Variants in DNAJC1 observed in about 807,000 individuals in gnomAD.
The protein encoded by DNAJC1 is DnaJ heat shock protein family (Hsp40) member C1.
Under a neutral mutation model 76.6 loss-of-function variants are expected in DNAJC1, and 58 were observed. The ratio of observed to expected loss-of-function variants is 0.76; its 90% CI spans 0.61 to 0.94. DNAJC1 has a LOEUF of 0.94. Ranked by LOEUF, DNAJC1 falls within the 40% of genes least tolerant of loss-of-function variation. DNAJC1 has a pLI of 0.00. For missense variants in DNAJC1, 689 were observed against 677.3 expected (o/e 1.02, Z -0.19); for synonymous variants, 258 against 267.9 (o/e 0.96, Z 0.36).
intron 6 of DNAJC1, among the ~76,000 whole-genome samples, chr10:21,914,993 T>C (rs1343900323): frequency 6.6e-6 from 1 of 152,218 alleles, no homozygotes; most frequent in Non-Finnish European, 1.5e-5. Context: ...ATTCATGTGT[T>C]ATAACTGCTA....
At chr10:21,790,679 A>G (rs758153597) in intron 9 of DNAJC1, among the ~76,000 whole-genome samples, 2 of 152,184 alleles carry the variant, frequency 1.3e-5, no homozygotes, top group South Asian at 2.1e-4. Flanking sequence ...AAAAGATGAT[A>G]ATCACCATCA....
At chr10:21,788,621 C>T (rs187151288) in intron 9 of DNAJC1, among the ~76,000 whole-genome samples, 1 of 152,244 alleles carries the variant, frequency 6.6e-6, no homozygotes, top group East Asian at 1.9e-4. Context: ...CCATTCTGGG[C>T]TACTTGCTGC....
intron 8 of DNAJC1, among the ~76,000 whole-genome samples, chr10:21,880,149 T>C (rs1050213107): frequency 2.6e-5 from 4 of 152,218 alleles, no homozygotes; most frequent in African/African-American, 7.2e-5. Context: ...AGTTTGACCA[T>C]GGGATTGCAG....
intron 1 of DNAJC1, among the ~76,000 whole-genome samples, chr10:21,952,867 G>T (rs1454978758): frequency 6.6e-6 from 1 of 152,048 alleles, no homozygotes; most frequent in Non-Finnish European, 1.5e-5. Context: ...TCCTGAGAAG[G>T]CCAGCTGGGA....
At chr10:21,979,772 G>A (rs45622242) in intron 1 of DNAJC1, among the ~76,000 whole-genome samples, 2 of 151,526 alleles carry the variant, frequency 1.3e-5, no homozygotes, top group Non-Finnish European at 2.9e-5. Flanking sequence ...AGGTACAATG[G>A]ATAAAACGAT....
intron 8 of DNAJC1, among the ~76,000 whole-genome samples, chr10:21,819,235 T>C (rs1269111651): frequency 2.0e-5 from 3 of 152,094 alleles, no homozygotes; most frequent in Admixed American, 2.0e-4. Flanking sequence ...ACCCCATCTC[T>C]ACTAAAAATA....
At chr10:21,861,437 C>G (rs913306794) in intron 8 of DNAJC1, among the ~76,000 whole-genome samples, 4 of 151,976 alleles carry the variant, frequency 2.6e-5, no homozygotes, top group African/African-American at 9.7e-5. Flanking sequence ...TAACGCTTAC[C>G]TCAAATTTCA....
intron 6 of DNAJC1, among the ~76,000 whole-genome samples, chr10:21,909,721 C>T (rs1317103272): frequency 2.0e-5 from 3 of 152,188 alleles, no homozygotes; most frequent in African/African-American, 7.2e-5. Context: ...CATTTCCAAA[C>T]CAACTCACAG....
intron 1 of DNAJC1, among the ~76,000 whole-genome samples, chr10:21,981,861 A>G (rs1838164414): frequency 6.6e-6 from 1 of 152,122 alleles, no homozygotes; most frequent in Admixed American, 6.5e-5. Context: ...GCATCGTCCA[A>G]TTTTAGCAAG....
chr10:21,915,178 T>C (rs1836931576), intron 6 of DNAJC1, among the ~76,000 whole-genome samples: 1 of 152,218 alleles, frequency 6.6e-6, no homozygotes, highest in African/African-American at 2.4e-5. Flanking sequence ...TTTGTAATTT[T>C]GTTTGGGAGG....
intron 8 of DNAJC1, among the ~76,000 whole-genome samples, chr10:21,834,389 G>C (rs367872386): frequency 6.6e-6 from 1 of 152,240 alleles, no homozygotes; most frequent in Non-Finnish European, 1.5e-5. Context: ...AGCTACCAGC[G>C]TGAGCAACGC....
At chr10:21,788,233 A>T (rs1834636817) in intron 9 of DNAJC1, among the ~76,000 whole-genome samples, 1 of 152,220 alleles carries the variant, frequency 6.6e-6, no homozygotes, top group African/African-American at 2.4e-5. Flanking sequence ...CTGAGCTGGA[A>T]CTGTGCACTG....
At chr10:21,959,190 C>A (rs1186964917) in intron 1 of DNAJC1, among the ~76,000 whole-genome samples, 1 of 151,948 alleles carries the variant, frequency 6.6e-6, no homozygotes, top group Non-Finnish European at 1.5e-5. Flanking sequence ...AGTGGTGAGA[C>A]CTTGGCTTGC....
At chr10:21,762,017 C>T (rs1205273911) in intron 10 of DNAJC1, among the ~76,000 whole-genome samples, 1 of 152,228 alleles carries the variant, frequency 6.6e-6, no homozygotes, top group African/African-American at 2.4e-5. Flanking sequence ...AAGTGATTCT[C>T]CTGCCTCAGC....
chr10:21,761,913 T>TA (rs1564779678), intron 10 of DNAJC1, among the ~76,000 whole-genome samples: 1 of 152,214 alleles, frequency 6.6e-6, no homozygotes, highest in Non-Finnish European at 1.5e-5. Context: ...AATTTTTTTT[T>TA]ATTTTTATTT....
chr10:21,904,615 T>G lies in DNAJC1; in HGVS notation c.730-3A>C, dbSNP rs369587800. 6 of 1,576,370 alleles carry G rather than the reference T, an allele frequency of 3.8e-6. No individual in the cohort carries two copies. The South Asian group carries it at 5.9e-5, about 15-fold the overall frequency. The stretch of plus-strand genomic sequence containing the variant: ...TTAGCATAAAACTGCCCAGCATCCT[T>G]AAGAAAAAAAGTTATACATAAATTA... On this transcript the variant is annotated splice_polypyrimidine_tract_variant and splice_region_variant and intron_variant, in intron 6 of 11. Coordinates refer to ENST00000376980, the MANE Select transcript of DNAJC1 (RefSeq NM_022365.4).
At chr10:21,895,303 C>G (rs1836523779) in intron 7 of DNAJC1, among the ~76,000 whole-genome samples, 1 of 152,122 alleles carries the variant, frequency 6.6e-6, no homozygotes, top group African/African-American at 2.4e-5. Flanking sequence ...CAGTAAAGGC[C>G]ATTCTGATAA....
chr10:21,931,739 T>C (rs1449400081), intron 1 of DNAJC1, among the ~76,000 whole-genome samples: 1 of 152,222 alleles, frequency 6.6e-6, no homozygotes, highest in East Asian at 1.9e-4. Context: ...TCTAATACAT[T>C]TGATATCACA....
intron 8 of DNAJC1, among the ~76,000 whole-genome samples, chr10:21,868,188 G>A (rs183046676): frequency 2.1e-5 from 3 of 141,142 alleles, no homozygotes; most frequent in Non-Finnish European, 3.0e-5. Flanking sequence ...GCAATGGCAT[G>A]ATCTTGGCTC....
Sources: allele counts gnomAD v4.1 joint callset (sites outside exome capture counted in the v4.1 genomes callset), GRCh38; gene constraint gnomAD v4.1.1; transcripts MANE v1.5; gene names NCBI Gene and HGNC (gene_info 2026-07-23, HGNC 2026-07-21).